The following ROBO1 variants were observed in gnomAD, a reference collection of about 807,000 sequenced individuals.
ROBO1 encodes roundabout homolog 1.
ROBO1 carries 149 observed loss-of-function variants against 195.9 expected under a neutral mutation model. The ratio of observed to expected loss-of-function variants is 0.76; its 90% CI spans 0.67 to 0.87. The LOEUF is 0.87. Among genes scored for constraint, ROBO1 ranks in the 40% least tolerant of loss-of-function variants. The probability of loss-of-function intolerance (pLI) is 0.00; values close to 1 mark genes in which losing one functional copy is unlikely to be tolerated. For missense variants in ROBO1, 1,933 were observed against 2,068.3 expected, an observed-to-expected ratio of 0.93 and a Z score of 1.27; for synonymous variants, 816 against 733.2, an observed-to-expected ratio of 1.11 and a Z score of -1.82.
At chr3:79,574,681 T>C (rs1943393008) in intron 2 of ROBO1, among the ~76,000 whole-genome samples, 2 of 151,950 alleles carry the variant, frequency 1.3e-5, no homozygotes, top group African/African-American at 4.8e-5. Context: ...ATAATTTCTT[T>C]AGTTGATATT....
intron 2 of ROBO1, among the ~76,000 whole-genome samples, chr3:79,315,832 C>T (rs1226813689): frequency 6.6e-6 from 1 of 152,100 alleles, no homozygotes; most frequent in African/African-American, 2.4e-5. Flanking sequence ...AATTGTGAGT[C>T]TGGATTAGAT....
At chr3:78,709,554 AT>A (rs1229812938) in intron 8 of ROBO1, among the ~76,000 whole-genome samples, 1 of 152,188 alleles carries the variant, frequency 6.6e-6, no homozygotes, top group African/African-American at 2.4e-5. Flanking sequence ...CAATATTTTA[AT>A]TTGACTTTGG....
At chr3:79,429,616 G>A (rs768931416) in intron 2 of ROBO1, among the ~76,000 whole-genome samples, 5 of 152,122 alleles carry the variant, frequency 3.3e-5, no homozygotes, top group Non-Finnish European at 7.4e-5. Flanking sequence ...GCTCCTGGCA[G>A]CAAGTGAAGA....
chr3:79,710,888 G>T (rs1702249263), intron 1 of ROBO1, among the ~76,000 whole-genome samples: 1 of 152,062 alleles, frequency 6.6e-6, no homozygotes, highest in African/African-American at 2.4e-5. Context: ...AATGAATTTT[G>T]CTCTTCTGGT....
chr3:78,657,302 T>C (rs1456394412), intron 17 of ROBO1, 33 bp from the exon 18 acceptor site: 4 of 1,605,026 alleles, frequency 2.5e-6, no homozygotes, highest in South Asian at 1.1e-5. Context: ...ATCAAGCTGG[T>C]AAATTACCTA....
chr3:78,963,228 T>A (rs2041476429), intron 3 of ROBO1, among the ~76,000 whole-genome samples: 1 of 152,012 alleles, frequency 6.6e-6, no homozygotes, highest in Non-Finnish European at 1.5e-5. Context: ...AGTTTTCAAG[T>A]TGAGAGAGCT....
intron 4 of ROBO1, among the ~76,000 whole-genome samples, chr3:78,792,369 A>G (rs1310272905): frequency 6.6e-6 from 1 of 152,188 alleles, no homozygotes; most frequent in African/African-American, 2.4e-5. Context: ...TATGAGTTTT[A>G]AAACATGATT....
intron 2 of ROBO1, among the ~76,000 whole-genome samples, chr3:79,296,663 G>C (rs1465781936): frequency 6.6e-6 from 1 of 152,118 alleles, no homozygotes; most frequent in Non-Finnish European, 1.5e-5. Flanking sequence ...TTAGTTTCAG[G>C]CCAAATTTCA....
intron 2 of ROBO1, among the ~76,000 whole-genome samples, chr3:79,397,904 A>C (rs1051682642): frequency 6.6e-6 from 1 of 152,206 alleles, no homozygotes; most frequent in Non-Finnish European, 1.5e-5. Flanking sequence ...AAACATTAAA[A>C]ATAAATTGTT....
At chr3:79,690,276 G>A (rs1348121298) in intron 1 of ROBO1, among the ~76,000 whole-genome samples, 3 of 151,884 alleles carry the variant, frequency 2.0e-5, no homozygotes, top group Non-Finnish European at 4.4e-5. Flanking sequence ...GTCCAGATGG[G>A]CCTAATCTAA....
At chr3:78,939,722 TA>T (rs200023930) in intron 3 of ROBO1, among the ~76,000 whole-genome samples, 19 of 150,972 alleles carry the variant, frequency 1.3e-4, no homozygotes, top group East Asian at 1.9e-4. Flanking sequence ...TCTTCCTAAA[TA>T]AAAAAAAGTA....
chr3:79,537,396 G>A (rs1002700310), intron 2 of ROBO1, among the ~76,000 whole-genome samples: 2 of 152,078 alleles, frequency 1.3e-5, no homozygotes, highest in Admixed American at 6.6e-5. Context: ...TCTTGCTGGG[G>A]AATCTCTGAG....
chr3:79,489,322 A>G (rs1322711780), intron 2 of ROBO1, among the ~76,000 whole-genome samples: 1 of 152,132 alleles, frequency 6.6e-6, no homozygotes, highest in Non-Finnish European at 1.5e-5. Flanking sequence ...GTCTAAAATT[A>G]CAATTATTCA....
intron 3 of ROBO1, among the ~76,000 whole-genome samples, chr3:78,962,750 G>T (rs967204614): frequency 2.7e-5 from 4 of 149,180 alleles, no homozygotes; most frequent in African/African-American, 1.0e-4. Context: ...TGTGAACCTG[G>T]AGGGCAGCGC....
At chr3:79,681,659 G>A (rs1337797054) in intron 1 of ROBO1, among the ~76,000 whole-genome samples, 1 of 151,888 alleles carries the variant, frequency 6.6e-6, no homozygotes, top group South Asian at 2.1e-4. Flanking sequence ...CAAGGAAAAT[G>A]CATGTTTAGA....
At chr3:79,650,516 T>C (rs555509784) in intron 1 of ROBO1, among the ~76,000 whole-genome samples, 1 of 151,894 alleles carries the variant, frequency 6.6e-6, no homozygotes, top group African/African-American at 2.4e-5. Context: ...CATAATTCTT[T>C]ATGTATATGT....
intron 3 of ROBO1, among the ~76,000 whole-genome samples, chr3:78,999,144 TA>T (rs374494794): frequency 9.9e-5 from 15 of 150,942 alleles, no homozygotes; most frequent in African/African-American, 2.7e-4. Flanking sequence ...GGAGATACCG[TA>T]AAAAAAAAGT....
At chr3:78,768,942 G>A (rs1241023772) in intron 4 of ROBO1, among the ~76,000 whole-genome samples, 1 of 151,754 alleles carries the variant, frequency 6.6e-6, no homozygotes, top group Non-Finnish European at 1.5e-5. Context: ...AGTTTACTGA[G>A]AATGATGATT....
At chr3:79,618,499 AGAAGCTCCCCACT>A (rs1304946671) in intron 1 of ROBO1, among the ~76,000 whole-genome samples, 1 of 152,138 alleles carries the variant, frequency 6.6e-6, no homozygotes, top group African/African-American at 2.4e-5. Context: ...AATGAGTGTC[AGAAGCTCCCCACT>A]GAGCACCTTG....
Sources: gnomAD v4.1 joint callset for allele counts (sites outside exome capture counted in the v4.1 genomes callset) on GRCh38, gnomAD v4.1.1 for gene constraint, MANE v1.5 for transcripts, NCBI Gene and HGNC (gene_info 2026-07-23, HGNC 2026-07-21) for gene names.